MVB12B: variants seen among roughly 807,000 people sequenced by gnomAD.
The protein encoded by MVB12B is ESCRT-I complex subunit MVB12B.
Under a neutral mutation model 41.6 loss-of-function variants are expected in MVB12B, and 16 were observed. The observed-to-expected ratio is 0.38, with a 90% CI of 0.26 to 0.58. The LOEUF (loss-of-function observed/expected upper bound fraction) is 0.58. Among genes scored for constraint, MVB12B ranks in the 20% least tolerant of loss-of-function variants. MVB12B has a pLI of 0.62. For synonymous variants in MVB12B, 133 were observed against 139.7 expected, an observed-to-expected ratio of 0.95 and a Z score of 0.34; for missense variants, 274 against 380.2, an observed-to-expected ratio of 0.72 and a Z score of 2.32.
chr9:126,417,401 G>A (rs1831859367), intron 6 of MVB12B, among the ~76,000 whole-genome samples: 1 of 151,764 alleles, frequency 6.6e-6, no homozygotes, highest in Admixed American at 6.6e-5. Flanking sequence ...TTCCCTTCTT[G>A]TAAATTCCTG....
intron 6 of MVB12B, among the ~76,000 whole-genome samples, chr9:126,401,183 C>T (rs10987266): frequency 0.059 from 8,998 of 152,226 alleles, 310 homozygotes; most frequent in Middle Eastern, 0.11. Flanking sequence ...TTTTCCCACC[C>T]GAAGTCACAG....
Position 126,473,606 on chromosome 9 carries a change from A to G in MVB12B, c.758-7763A>G, listed in dbSNP as rs914399096. 4.6e-5 allele frequency among the ~76,000 whole-genome samples: 7 copies of G among 152,206 alleles called. No homozygotes were observed. The East Asian group carries it at 5.8e-4, about 13-fold the overall frequency. ...GAACAAGAATGCCAGAGCAGGAACA[A>G]GAAAGCCAAAGAGCGGAAGGTGCCA... On this transcript the variant is annotated intron_variant, in intron 7 of 9. Transcript: ENST00000361171. This position sits in a 1 kb window ranked among gnomAD's most constrained non-coding sequence, Gnocchi z 4.0.
At chr9:126,445,725 G>A (rs1832749937) in intron 7 of MVB12B, among the ~76,000 whole-genome samples, 1 of 151,682 alleles carries the variant, frequency 6.6e-6, no homozygotes, top group African/African-American at 2.4e-5. Context: ...CAAACTCCTG[G>A]CCTCAAACAG....
intron 7 of MVB12B, among the ~76,000 whole-genome samples, chr9:126,465,258 A>G (rs987554073): frequency 1.3e-5 from 2 of 152,342 alleles, no homozygotes; most frequent in Non-Finnish European, 1.5e-5. Context: ...AATGAAGACT[A>G]TCAGAGCTGG....
chr9:126,345,016 A>G (rs946317915), intron 2 of MVB12B, among the ~76,000 whole-genome samples: 24 of 152,242 alleles, frequency 1.6e-4, no homozygotes, highest in African/African-American at 5.8e-4. Context: ...TTGGGGGCAC[A>G]TTGAAAGCAT....
intron 6 of MVB12B, among the ~76,000 whole-genome samples, chr9:126,421,409 T>C (rs1832013783): frequency 6.6e-6 from 1 of 152,228 alleles, no homozygotes; most frequent in Non-Finnish European, 1.5e-5. Context: ...GAGCGCTTCA[T>C]GTGCAGTGAT....
At chr9:126,403,205 G>GC (rs1564311996) in intron 6 of MVB12B, among the ~76,000 whole-genome samples, 3 of 152,042 alleles carry the variant, frequency 2.0e-5, no homozygotes, top group East Asian at 1.9e-4. Flanking sequence ...TTATCCGACC[G>GC]CCCCCCACAC....
chr9:126,417,100 G>A (rs1025757680), intron 6 of MVB12B, among the ~76,000 whole-genome samples: 2 of 152,224 alleles, frequency 1.3e-5, no homozygotes, highest in African/African-American at 4.8e-5. Context: ...AGTGGAAGCA[G>A]AAATGCAGGG....
Position 126,340,475 on chromosome 9 carries a change from A to G in MVB12B, c.82-33A>G. ...TTATTCACATAAATGCTATGTTTGA[A>G]TTTTGTGTTTTCTTTTTCCTTTGCT... is the stretch of plus-strand genomic sequence containing the variant. On this transcript the variant is annotated intron_variant, in intron 1 of 9. Coordinates refer to ENST00000361171, the MANE Select transcript of MVB12B (RefSeq NM_033446.3). This position sits in a 1 kb window ranked among gnomAD's most constrained non-coding sequence, Gnocchi z 4.0. The G allele has an allele frequency of 6.2e-7, 1 of 1,610,924 alleles. No homozygotes were observed.
chr9:126,393,594 A>G (rs1293112077), intron 5 of MVB12B, among the ~76,000 whole-genome samples: 10 of 152,240 alleles, frequency 6.6e-5, no homozygotes. Context: ...CTCAAGGACA[A>G]ACCACGACTG....
At chr9:126,449,080 G>C (rs987285255) in intron 7 of MVB12B, among the ~76,000 whole-genome samples, 2 of 152,140 alleles carry the variant, frequency 1.3e-5, no homozygotes, top group African/African-American at 2.4e-5. Context: ...CAATGCTCCC[G>C]TCAGCTGCCC....
intron 2 of MVB12B, among the ~76,000 whole-genome samples, chr9:126,372,698 A>G (rs1299844870): frequency 2.0e-5 from 3 of 152,196 alleles, no homozygotes; most frequent in Non-Finnish European, 2.9e-5. Flanking sequence ...GGTGAGGCTC[A>G]GAGAGTAAAA....
At chr9:126,336,599 G>A (rs887927347) in intron 1 of MVB12B, among the ~76,000 whole-genome samples, 5 of 152,234 alleles carry the variant, frequency 3.3e-5, no homozygotes, top group African/African-American at 1.2e-4. Flanking sequence ...CTGGAAGCAG[G>A]CTTGCTCCTG....
chr9:126,340,390 A>T lies in MVB12B; in HGVS notation c.82-118A>T. 1 of 1,128,338 alleles carries T rather than the reference A, an allele frequency of 8.9e-7. No individual in the cohort carries two copies. The highest frequency in any genetic ancestry group is 1.3e-6 in the Non-Finnish European group (1 of 770,880). The allele number at this position is 1,128,338 out of a possible 1,614,324, so 69.9% of individuals were successfully genotyped here. ...TAGGGTCAGGACTCATTCAACCAGT[A>T]CAGGTATGTGAAACTCAGGGTATTT... On this transcript the variant is annotated intron_variant, in intron 1 of 9. Coordinates refer to ENST00000361171, the MANE Select transcript of MVB12B (RefSeq NM_033446.3). This position sits in a 1 kb window ranked among gnomAD's most constrained non-coding sequence, Gnocchi z 4.0.
chr9:126,434,964 A>G (rs1161193336), intron 7 of MVB12B, among the ~76,000 whole-genome samples: 1 of 151,926 alleles, frequency 6.6e-6, no homozygotes, highest in Non-Finnish European at 1.5e-5. Context: ...GTTCCATGAC[A>G]CTCAATGTTT....
At position 126,459,917 on chromosome 9, in the gene MVB12B, G is replaced by A. The variant is rs927160097; in HGVS notation, c.758-21452G>A. 3.0e-4 allele frequency among the ~76,000 whole-genome samples: 46 copies of A among 152,282 alleles called. No homozygotes were observed. Among genetic ancestry groups the A allele is most frequent in the South Asian group, 8.3e-4 (4 of 4,822 alleles). ...ACAGGCGGGTTTCATGAGTGGAGCC[G>A]CTCTTGTTGGGAAGCAGCTTCCCCT... is the stretch of plus-strand genomic sequence containing the variant. On this transcript the variant is annotated intron_variant, in intron 7 of 9. Transcript: ENST00000361171. The surrounding 1 kb of genome is among the most constrained non-coding windows in gnomAD (Gnocchi z 4.3).
chr9:126,431,516 T>G (rs1157311238), intron 7 of MVB12B, among the ~76,000 whole-genome samples: 2 of 152,210 alleles, frequency 1.3e-5, no homozygotes, highest in Admixed American at 6.5e-5. Flanking sequence ...TAAGACTTTT[T>G]CCAGTTAAGT....
At chr9:126,443,392 A>G (rs1832688971) in intron 7 of MVB12B, among the ~76,000 whole-genome samples, 1 of 152,160 alleles carries the variant, frequency 6.6e-6, no homozygotes, top group African/African-American at 2.4e-5. Context: ...TGAGGTTCCA[A>G]CTGAGCATGA....
intron 2 of MVB12B, among the ~76,000 whole-genome samples, chr9:126,355,835 T>C (rs963504266): frequency 2.0e-5 from 3 of 152,224 alleles, no homozygotes; most frequent in Non-Finnish European, 2.9e-5. Context: ...AACAATTTAG[T>C]GGCATTTAGT....
Sources: gnomAD v4.1 joint callset for allele counts (sites outside exome capture counted in the v4.1 genomes callset) on GRCh38, gnomAD v4.1.1 for gene constraint, Gnocchi (gnomAD v3.1) non-coding constraint, MANE v1.5 for transcripts, NCBI Gene and HGNC (gene_info 2026-07-23, HGNC 2026-07-21) for gene names.